SLC1A5: variants seen among roughly 807,000 people sequenced by gnomAD.
SLC1A5 encodes the protein solute carrier family 1 member 5, also known as neutral amino acid transporter B(0).
A neutral mutation model predicts 34.9 loss-of-function variants in SLC1A5; 25 were observed. The ratio of observed to expected loss-of-function variants is 0.72; its 90% CI spans 0.52 to 1.00. The LOEUF is 1.00. Ranked by LOEUF, SLC1A5 falls within the 50% of genes least tolerant of loss-of-function variation. The probability of loss-of-function intolerance (pLI) is 0.00; values close to 1 mark genes in which losing one functional copy is unlikely to be tolerated. For missense variants in SLC1A5, 637 were observed against 740.0 expected, an observed-to-expected ratio of 0.86 and a Z score of 1.61; for synonymous variants, 351 against 341.2, an observed-to-expected ratio of 1.03 and a Z score of -0.32.
In SLC1A5 at chr19:46,780,699, G is replaced by T. The variant is rs147688176; in HGVS notation, c.824+1684C>A. Reference sequence around the variant, plus strand: ...AAATAAAAATTTGAAGGCCAGGAGCGGTGGCTCACACCTGTAATCCCAGCA... The same window carrying T: ...AAATAAAAATTTGAAGGCCAGGAGCTGTGGCTCACACCTGTAATCCCAGCA... On this transcript the variant is annotated intron_variant, in intron 4 of 7. Coordinates refer to ENST00000542575, the MANE Select transcript of SLC1A5 (RefSeq NM_005628.3). Among the ~76,000 whole-genome samples, 1,000 of 151,954 alleles carry T rather than the reference G, an allele frequency of 6.6e-3. 3 individuals are homozygous for T. Among genetic ancestry groups the T allele is most frequent in the South Asian group, 0.018 (84 of 4,798 alleles).
chr19:46,778,104 G>A (rs917058823), intron 5 of SLC1A5, among the ~76,000 whole-genome samples: 16 of 152,168 alleles, frequency 1.1e-4, no homozygotes, highest in Non-Finnish European at 2.4e-4. Flanking sequence ...AGAGACGGTG[G>A]AAGGAGTTCT....
chr19:46,784,994 G>A, intron 1 of SLC1A5: 2 of 547,248 alleles, frequency 3.7e-6, no homozygotes, highest in Non-Finnish European at 5.0e-6. Flanking sequence ...TGGCGGGGAG[G>A]GAGAAAAGGG....
rs2055192563 is a variant in SLC1A5, at chr19:46,787,200, C to T, written c.566+200G>A. 7.1e-7 allele frequency: 1 copy of T among 1,411,198 alleles called. No individual in the cohort carries two copies. Among genetic ancestry groups the T allele is most frequent in the Admixed American group, 3.1e-5 (1 of 32,178 alleles). 87.4% of individuals were successfully genotyped at this position (1,411,198 alleles called of 1,614,324 possible). A position where few individuals can be genotyped will look rare whatever the true frequency, so the allele number is the denominator to read the frequency against. On this transcript the variant is annotated intron_variant, in intron 1 of 7. Transcript: ENST00000542575. This position sits in a 1 kb window ranked among gnomAD's most constrained non-coding sequence, Gnocchi z 5.2. ...AGACCCCACTTATGTACCCAGGCCCCCAGATTTAGAAACCCCTTCCCCAGG... is the reference window on the plus strand; with the variant it reads ...AGACCCCACTTATGTACCCAGGCCCTCAGATTTAGAAACCCCTTCCCCAGG...
chr19:46,782,600 C>T (rs768509529), intron 3 of SLC1A5, 51 bp from the exon 4 acceptor site: 6 of 1,603,880 alleles, frequency 3.7e-6, no homozygotes, highest in South Asian at 1.1e-5. Context: ...TCTACCTGCA[C>T]AGTCACTGAG....
At position 46,787,509 on chromosome 19, in the gene SLC1A5, G is replaced by C. The variant is rs776317727; in HGVS notation, c.457C>G (p.Leu153Val). 2 of 1,580,720 alleles carry C rather than the reference G, an allele frequency of 1.3e-6. No individual in the cohort carries two copies. The highest frequency in any genetic ancestry group is 1.7e-6 in the Non-Finnish European group (2 of 1,164,362). ...SALGVGLALA[L>V]QPGAASAAIN... The stretch of plus-strand genomic sequence containing the variant: ...GCGGCGGAGGCGGCGCCCGGCTGCA[G>C]AGCCAGCGCCAAGCCCACTCCGAGC... The change falls in exon 1 of 8, where the codon CTG (leucine) becomes GTG (valine). Residue 153 changes from leucine to valine, a missense_variant. Physicochemically the swap from Leu to Val is conservative, Grantham distance 32 (BLOSUM62 1). Transcript: ENST00000542575. The surrounding 1 kb of genome is among the most constrained non-coding windows in gnomAD (Gnocchi z 5.2).
intron 4 of SLC1A5, 37 bp downstream of exon 4, chr19:46,782,346 A>ACCCCACCCCC: frequency 1.8e-6 from 1 of 567,980 alleles, no homozygotes; most frequent in Non-Finnish European, 3.2e-6. Flanking sequence ...CGACCCTCCA[A>ACCCCACCCCC]CCCCACCCAC....
rs2055185837 is a variant in SLC1A5 at position 46,786,273 on chromosome 19, C to A, written c.566+1127G>T. 2.6e-5 allele frequency among the ~76,000 whole-genome samples: 4 copies of A among 152,148 alleles called. No individual in the cohort carries two copies. In the East Asian group the frequency reaches 7.7e-4, roughly 29 times the overall value. On this transcript the variant is annotated intron_variant, in intron 1 of 7. Coordinates refer to ENST00000542575, the MANE Select transcript of SLC1A5 (RefSeq NM_005628.3). ...AGATGCTACAGCCTCAGCTGAGTGT[C>A]TGCGTGAATGTGTCCAGCTGTATGT... is the stretch of plus-strand genomic sequence containing the variant.
Position 46,787,775 on chromosome 19 carries a change from G to A in SLC1A5, c.191C>T (p.Ala64Val). Reference sequence around the variant, plus strand: ...CACCCCCAGTCCCAGCGCCACGCCGGCCACCACGGCCACCACTGTCAGCAG... The same window carrying A: ...CACCCCCAGTCCCAGCGCCACGCCGACCACCACGGCCACCACTGTCAGCAG... The part of the protein sequence containing the change: ...LVLLTVVAVV[A>V]GVALGLGVSG... Residue 64 changes from alanine (A) to valine (V), a missense_variant, in exon 1 of 8, where the codon GCC becomes GTC. Transcript: ENST00000542575. This position sits in a 1 kb window ranked among gnomAD's most constrained non-coding sequence, Gnocchi z 5.2. 1 of 1,548,438 alleles carries A rather than the reference G, an allele frequency of 6.5e-7. No homozygotes were observed. Among genetic ancestry groups the A allele is most frequent in the Non-Finnish European group, 8.7e-7 (1 of 1,149,316 alleles).
At position 46,782,544 on chromosome 19, in the gene SLC1A5, G is replaced by A. The variant is rs773215045; in HGVS notation, c.663C>T (p.Pro221=). 12 of 1,613,790 alleles carry A rather than the reference G, an allele frequency of 7.4e-6. No individual in the cohort carries two copies. The highest frequency in any genetic ancestry group is 4.4e-5 in the South Asian group (4 of 91,070). The part of the protein sequence containing the change: ...RNITGTRVKV[P]VGQEVEGMNI... ...TCATCCCCTCCACCTCCTGCCCCAC[G>A]GGCACCTGTGGGCAAGGAACAGATC... Residue 221 remains proline, a synonymous_variant, in exon 4 of 8, where the codon CCC becomes CCT. Coordinates refer to ENST00000542575, the MANE Select transcript of SLC1A5 (RefSeq NM_005628.3).
chr19:46,786,014 C>T (rs1361391727), intron 1 of SLC1A5, among the ~76,000 whole-genome samples: 1 of 149,828 alleles, frequency 6.7e-6, no homozygotes, highest in Non-Finnish European at 1.5e-5. Context: ...GAGCCAAGAT[C>T]GCACCACTGC....
At chr19:46,782,596 TGCACAGTCACTGAGGGCCTGTCCTTG>T in intron 3 of SLC1A5, 47 bp from the exon 4 acceptor site, 4 of 1,606,900 alleles carry the variant, frequency 2.5e-6, no homozygotes, top group Non-Finnish European at 3.4e-6. Context: ...TCAGTCTACC[TGCACAGTCACTGAGGGCCTGTCCTTG>T]GCACCACTGG....
chr19:46,782,865 G>A (rs1457690310), intron 3 of SLC1A5, among the ~76,000 whole-genome samples: 5 of 152,194 alleles, frequency 3.3e-5, no homozygotes, highest in African/African-American at 1.2e-4. Flanking sequence ...GAGGACAAGA[G>A]GAGTGAACCA....
chr19:46,784,398 G>C, intron 2 of SLC1A5, 119 bp downstream of exon 2: 2 of 1,149,334 alleles, frequency 1.7e-6, no homozygotes, highest in Non-Finnish European at 2.6e-6. Context: ...CTCTGAGCCC[G>C]TATTCTCATT....
At chr19:46,776,952 C>G (rs961022662) in intron 7 of SLC1A5, 23 bp downstream of exon 7, 1 of 1,609,426 alleles carries the variant, frequency 6.2e-7, no homozygotes, top group Non-Finnish European at 8.5e-7. Flanking sequence ...TGGCCCTGCC[C>G]CAGTCTCCAG....
rs557178259 is a variant in SLC1A5 at position 46,784,244 on chromosome 19, T to C, written c.610-100A>G. 4.2e-6 allele frequency: 4 copies of C among 945,734 alleles called. No individual in the cohort carries two copies. The Admixed American group carries it at 8.4e-5, about 20-fold the overall frequency. 58.6% of individuals were successfully genotyped at this position (945,734 alleles called of 1,614,324 possible). On this transcript the variant is annotated intron_variant, in intron 2 of 7. Transcript: ENST00000542575. ...TCAAAGCCTGCCCTTCCACATCCTT[T>C]CAATGTGATCTCATTTCATCTGCTG...
intron 7 of SLC1A5, among the ~76,000 whole-genome samples, chr19:46,776,170 C>A (rs2055086971): frequency 1.3e-5 from 2 of 151,072 alleles, no homozygotes; most frequent in South Asian, 4.2e-4. Context: ...CAGACTTGTG[C>A]AACCATTGCC....
rs2055155270 is a variant in SLC1A5, at chr19:46,782,522, T to A, written c.685A>T (p.Met229Leu). 16 of 1,613,714 alleles carry A rather than the reference T, an allele frequency of 9.9e-6. No individual in the cohort carries two copies. The highest frequency in any genetic ancestry group is 5.0e-5 in the Admixed American group (3 of 59,954). Residue 229 changes from methionine (M) to leucine (L), a missense_variant, in exon 4 of 8, where the codon ATG becomes TTG. Met to Leu is a conservative substitution (Grantham distance 15). Coordinates refer to ENST00000542575, the MANE Select transcript of SLC1A5 (RefSeq NM_005628.3). ...AACACTACCAAGCCCAGGATGTTCA[T>A]CCCCTCCACCTCCTGCCCCACGGGC... is the stretch of plus-strand genomic sequence containing the variant. Reference protein sequence around the residue: ...KVPVGQEVEGMNILGLVVFAI... With the variant: ...KVPVGQEVEGLNILGLVVFAI...
chr19:46,775,579 G>C lies in SLC1A5; in HGVS notation c.1557C>G (p.Pro519=). 6.2e-7 allele frequency: 1 copy of C among 1,614,156 alleles called. No individual in the cohort carries two copies. The highest frequency in any genetic ancestry group is 8.5e-7 in the Non-Finnish European group (1 of 1,180,002). The change falls in exon 8 of 8, where the codon CCC becomes CCG. Residue 519 remains proline, a synonymous_variant. Coordinates refer to ENST00000542575, the MANE Select transcript of SLC1A5 (RefSeq NM_005628.3). The part of the protein sequence containing the change: ...PLPVPTEEGN[P]LLKHYRGPAG... ...CGGGCCCCCGATAGTGTTTGAGGAG[G>C]GGGTTTCCTTCCTCAGTGGGGACTG...
Position 46,777,085 on chromosome 19 carries a change from C to A in SLC1A5, c.1278G>T (p.Val426=), listed in dbSNP as rs1159142635. The change falls in exon 7 of 8, where the codon GTG becomes GTT. Residue 426 remains valine (V), a synonymous_variant. Transcript: ENST00000542575. ...CTCCAGCAGGGATGCCCGCTGCCCC[C>A]ACGCTGGACGCTGTGGCCGTGACCC... ...TILVTATASS[V]GAAGIPAGGV... 6.2e-7 allele frequency: 1 copy of A among 1,613,978 alleles called. No homozygotes were observed. Among genetic ancestry groups the A allele is most frequent in the Non-Finnish European group, 8.5e-7 (1 of 1,179,992 alleles).
Sources: allele counts gnomAD v4.1 joint callset (sites outside exome capture counted in the v4.1 genomes callset), GRCh38; gene constraint gnomAD v4.1.1; non-coding constraint Gnocchi (gnomAD v3.1); transcripts MANE v1.5; gene names NCBI Gene and HGNC (gene_info 2026-07-23, HGNC 2026-07-21).